RYR1: variants seen among roughly 807,000 people sequenced by gnomAD.
The protein encoded by RYR1 is ryanodine receptor 1.
In RYR1, 342 loss-of-function variants were observed where a neutral mutation model predicts 583.5. That is an observed-to-expected ratio of 0.59 (90% CI 0.54 to 0.64). The LOEUF is 0.64. RYR1 is among the 30% of genes least tolerant of loss of function. RYR1 has a pLI of 0.00. For missense variants in RYR1, 6,032 were observed against 6,917.2 expected (o/e 0.87, Z 4.54); for synonymous variants, 2,791 against 2,822.5 (o/e 0.99, Z 0.35).
chr19:38,548,319 T>G lies in RYR1; in HGVS notation c.12181T>G (p.Phe4061Val). Residue 4061 changes from phenylalanine (F) to valine (V), a missense_variant, in exon 89 of 106, where the codon TTC becomes GTC. This residue lies in a region of RYR1 where 753 missense variants were observed against 759.6 expected (regional missense o/e 0.99). Coordinates refer to ENST00000359596, the MANE Select transcript of RYR1 (RefSeq NM_000540.3). ...SSNVEMILKFFDMFLKLKDIV... is the reference protein window; with the variant it reads ...SSNVEMILKFVDMFLKLKDIV... ...CAATGTGGAGATGATCCTCAAGTTCTTCGACATGTTCCTGAAACTCAAGGA... is the reference window on the plus strand; with the variant it reads ...CAATGTGGAGATGATCCTCAAGTTCGTCGACATGTTCCTGAAACTCAAGGA... 1.9e-6 allele frequency: 3 copies of G among 1,614,228 alleles called. No individual in the cohort carries two copies. The highest frequency in any genetic ancestry group is 2.5e-6 in the Non-Finnish European group (3 of 1,180,046).
rs11881714 is a variant in RYR1 at position 38,445,673 on chromosome 19, T to C, written c.632-799T>C. Among the ~76,000 whole-genome samples, 531 of 152,218 alleles carry C rather than the reference T, an allele frequency of 3.5e-3. 1 individual carries two copies. The highest frequency in any genetic ancestry group is 0.012 in the African/African-American group (514 of 41,532). On this transcript the variant is annotated intron_variant, in intron 7 of 105. Coordinates refer to ENST00000359596, the MANE Select transcript of RYR1 (RefSeq NM_000540.3). ...TGTAACCTCAGATCCCCAACCTCAC[T>C]TTCCAGCTTCTGGCCTCCAAAATCA...
chr19:38,482,438 T>C (rs959525040), intron 31 of RYR1, among the ~76,000 whole-genome samples: 1 of 151,922 alleles, frequency 6.6e-6, no homozygotes, highest in Non-Finnish European at 1.5e-5. Flanking sequence ...GGCAAGACAG[T>C]CTGAGGACAC....
intron 19 of RYR1, among the ~76,000 whole-genome samples, chr19:38,460,001 CAG>C (rs1325665168): frequency 6.6e-6 from 1 of 152,150 alleles, no homozygotes; most frequent in East Asian, 1.9e-4. Context: ...ATAATTGTAA[CAG>C]ATGCTCAGTG....
intron 27 of RYR1, 40 bp from the exon 28 acceptor site, chr19:38,473,337 C>A (rs1399488193): frequency 6.2e-7 from 1 of 1,612,674 alleles, no homozygotes; most frequent in African/African-American, 1.3e-5. Flanking sequence ...CTGGCCTAGC[C>A]CGCCTGCCCA....
chr19:38,518,384 A>T, intron 66 of RYR1, among the ~76,000 whole-genome samples: 1 of 148,448 alleles, frequency 6.7e-6, no homozygotes. Flanking sequence ...ACATGGTGAA[A>T]CCTCGTCTCT....
intron 89 of RYR1, among the ~76,000 whole-genome samples, chr19:38,552,719 A>G (rs901829640): frequency 6.6e-5 from 10 of 152,066 alleles, no homozygotes; most frequent in Non-Finnish European, 1.2e-4. Context: ...ATCTGGTCTA[A>G]TCGATAGTCA....
In RYR1 at chr19:38,442,526, G is replaced by T. The variant is rs373756662; in HGVS notation, c.270+73G>T. The T allele has an allele frequency of 2.7e-6, 3 of 1,118,822 alleles. No individual in the cohort carries two copies. In the East Asian group the frequency reaches 7.1e-5, roughly 27 times the overall value. 69.3% of individuals were successfully genotyped at this position (1,118,822 alleles called of 1,614,324 possible). ...GGACCCAGGGGTCGTTTAGGGCACG[G>T]TGGCAAGGATGGGTGAGAGGACCCG... On this transcript the variant is annotated intron_variant, in intron 3 of 105. Transcript: ENST00000359596.
intron 101 of RYR1, 151 bp from the exon 102 acceptor site, chr19:38,584,792 C>T (rs570468679): frequency 9.1e-5 from 80 of 881,286 alleles, no homozygotes; most frequent in Admixed American, 1.2e-4. Flanking sequence ...CTGTTGGTCC[C>T]TGTCTGATGC....
At chr19:38,517,289 G>T (rs747734107) in intron 65 of RYR1, 70 bp from the exon 66 acceptor site, 15 of 1,493,076 alleles carry the variant, frequency 1.0e-5, no homozygotes, top group African/African-American at 2.8e-5. Context: ...GATGTATTGC[G>T]GGGGAGGCCA....
Position 38,543,544 on chromosome 19 carries a change from G to A in RYR1, c.11791G>A (p.Asp3931Asn). ...YLLRLQESIS[D>N]FYWYYSGKDV... ...CCGCCCCCACCAGGAATCCATCAGC[G>A]ACTTCTACTGGTACTACTCGGGCAA... is the stretch of plus-strand genomic sequence containing the variant. The change falls in exon 86 of 106, where the codon GAC (aspartate) becomes AAC (asparagine). Residue 3931 changes from aspartate (D) to asparagine (N), a missense_variant. Physicochemically the swap from Asp to Asn is conservative, Grantham distance 23 (BLOSUM62 1). This residue lies in a region of RYR1 where 1,493 missense variants were observed against 1,715.5 expected (regional missense o/e 0.87). Coordinates refer to ENST00000359596, the MANE Select transcript of RYR1 (RefSeq NM_000540.3). The surrounding 1 kb of genome is among the most constrained non-coding windows in gnomAD (Gnocchi z 4.4). 1 of 1,613,838 alleles carries A rather than the reference G, an allele frequency of 6.2e-7. No homozygotes were observed. The highest frequency in any genetic ancestry group is 8.5e-7 in the Non-Finnish European group (1 of 1,179,906).
Position 38,577,948 on chromosome 19 carries a change from C to T in RYR1, c.14203C>T (p.Arg4735Trp), listed in dbSNP as rs766887342. ...VLDKHGDIYG[R>W]ERIAELLGMD... ...GGACAAACATGGGGACATCTACGGG[C>T]GGGAGCGGATTGCTGAGCTACTGGG... Residue 4735 changes from arginine to tryptophan, a missense_variant, in exon 98 of 106, where the codon CGG becomes TGG. By Grantham distance (101) the Arg-to-Trp change is moderately radical (BLOSUM62 -3). Around this residue, in one of 11 missense-constraint regions of RYR1, gnomAD observed 188 missense variants for 215.6 expected, o/e 0.87. Coordinates refer to ENST00000359596, the MANE Select transcript of RYR1 (RefSeq NM_000540.3). The T allele has an allele frequency of 2.9e-5, 46 of 1,613,962 alleles. No individual in the cohort carries two copies. Among genetic ancestry groups the T allele is most frequent in the Admixed American group, 1.8e-4 (11 of 59,970 alleles).
At position 38,500,079 on chromosome 19, in the gene RYR1, A is replaced by C. The variant is rs949827570; in HGVS notation, c.7323+63A>C. The C allele has an allele frequency of 4.9e-6, 7 of 1,418,722 alleles. No individual in the cohort carries two copies. The highest frequency in any genetic ancestry group is 2.8e-5 in the African/African-American group (2 of 71,160). The allele number at this position is 1,418,722 out of a possible 1,614,324, so 87.9% of individuals were successfully genotyped here. On this transcript the variant is annotated intron_variant, in intron 45 of 105. Coordinates refer to ENST00000359596, the MANE Select transcript of RYR1 (RefSeq NM_000540.3). The surrounding 1 kb of genome is among the most constrained non-coding windows in gnomAD (Gnocchi z 5.9). ...CAGGCACAGCCGCTTTGAACGCCTC[A>C]TGCAGGCACTCGGTGACACGGAGTG...
Position 38,496,851 on chromosome 19 carries a change from C to G in RYR1, c.6797-9C>G, listed in dbSNP as rs191934693. ...AGTGAGATGTTCTCCCCACCTCTCG[C>G]CCCTGCAGGCATGCAGGGCTCCACG... On this transcript the variant is annotated splice_polypyrimidine_tract_variant and intron_variant, in intron 41 of 105. Coordinates refer to ENST00000359596, the MANE Select transcript of RYR1 (RefSeq NM_000540.3). This position sits in a 1 kb window ranked among gnomAD's most constrained non-coding sequence, Gnocchi z 4.8. 6.2e-7 allele frequency: 1 copy of G among 1,609,132 alleles called. No homozygotes were observed. Among genetic ancestry groups the G allele is most frequent in the African/African-American group, 1.3e-5 (1 of 74,940 alleles).
At position 38,512,296 on chromosome 19, in the gene RYR1, C is replaced by T; in HGVS notation, c.9285C>T (p.Phe3095=). The T allele has an allele frequency of 2.5e-6, 4 of 1,614,240 alleles. No homozygotes were observed. Among genetic ancestry groups the T allele is most frequent in the Non-Finnish European group, 3.4e-6 (4 of 1,180,050 alleles). Residue 3095 remains phenylalanine (F), a synonymous_variant, in exon 63 of 106, where the codon TTC becomes TTT. Coordinates refer to ENST00000359596, the MANE Select transcript of RYR1 (RefSeq NM_000540.3). This position sits in a 1 kb window ranked among gnomAD's most constrained non-coding sequence, Gnocchi z 5.1. The part of the protein sequence containing the change: ...PEIVKAGLRS[F]FESASEDIEK... ...TCGTGAAGGCTGGCCTCCGCTCCTTCTTCGAGAGTGCCTCGGAGGACATCG... is the reference window on the plus strand; with the variant it reads ...TCGTGAAGGCTGGCCTCCGCTCCTTTTTCGAGAGTGCCTCGGAGGACATCG...
intron 1 of RYR1, among the ~76,000 whole-genome samples, chr19:38,439,207 T>A (rs1231416891): frequency 6.6e-6 from 1 of 152,112 alleles, no homozygotes; most frequent in East Asian, 1.9e-4. Flanking sequence ...TGTTTGTTTT[T>A]TGAGATGGAG....
chr19:38,569,600 A>G (rs1973620473), intron 93 of RYR1, among the ~76,000 whole-genome samples: 1 of 151,560 alleles, frequency 6.6e-6, no homozygotes. Context: ...AGGCAGGGCG[A>G]CAGGTGGGGT....
chr19:38,559,514 A>T (rs1973031686), intron 89 of RYR1, among the ~76,000 whole-genome samples: 1 of 151,998 alleles, frequency 6.6e-6, no homozygotes, highest in African/African-American at 2.4e-5. Context: ...GATTACAGGC[A>T]TGAGCCACCA....
In RYR1 at chr19:38,457,582, C is replaced by G. The variant is rs140133838; in HGVS notation, c.1877C>G (p.Pro626Arg). The G allele has an allele frequency of 8.1e-6, 13 of 1,614,064 alleles. No homozygotes were observed. The African/African-American group carries it at 1.7e-4, about 22-fold the overall frequency. ...GATCTTATTACTGAGAACTTGCTGC[C>G]TGGCCGTGAGCTTCTGCTGCAGACA... The part of the protein sequence containing the change: ...NQDLITENLL[P>R]GRELLLQTNL... The change falls in exon 17 of 106, where the codon CCT becomes CGT. Residue 626 changes from proline to arginine, a missense_variant. Transcript: ENST00000359596.
intron 1 of RYR1, among the ~76,000 whole-genome samples, chr19:38,435,005 TCCCCAG>T (rs371593957): frequency 3.3e-5 from 5 of 152,052 alleles, no homozygotes; most frequent in Non-Finnish European, 5.9e-5. Flanking sequence ...CGAGACTCTC[TCCCCAG>T]CCCCAGCCCC....
Sources: allele counts gnomAD v4.1 joint callset (sites outside exome capture counted in the v4.1 genomes callset), GRCh38; gene constraint gnomAD v4.1.1; regional missense constraint gnomAD v4.1.1; non-coding constraint Gnocchi (gnomAD v3.1); transcripts MANE v1.5; gene names NCBI Gene and HGNC (gene_info 2026-07-23, HGNC 2026-07-21).